The following RAB37 variants were observed in gnomAD, a reference collection of about 807,000 sequenced individuals.
RAB37 encodes the protein ras-related protein Rab-37.
RAB37 carries 29 observed loss-of-function variants against 33.1 expected under a neutral mutation model. The observed-to-expected ratio is 0.88, with a 90% CI of 0.65 to 1.20. The LOEUF (loss-of-function observed/expected upper bound fraction) is 1.20. RAB37 is among the 50% of genes most tolerant of loss of function. The pLI is 0.00. For missense variants in RAB37, 299 were observed against 301.1 expected (o/e 0.99, Z 0.05); for synonymous variants, 128 against 119.5 (o/e 1.07, Z -0.47).
chr17:74,711,751 G>T lies in RAB37; in HGVS notation c.73-17505G>T, dbSNP rs77343537. The stretch of plus-strand genomic sequence containing the variant: ...GACAGGCATCTGGGACCCTCTTCAG[G>T]GGGGTTGTTTCAGCCCACCTGACTT... On this transcript the variant is annotated intron_variant, in intron 1 of 7. Coordinates refer to the RAB37 transcript ENST00000340415. 2.2e-4 allele frequency among the ~76,000 whole-genome samples: 33 copies of T among 152,164 alleles called. No individual in the cohort carries two copies. In the East Asian group the frequency reaches 5.4e-3, roughly 25 times the overall value.
In RAB37 at chr17:74,730,257, C is replaced by G. The variant is rs1164585149; in HGVS notation, c.183+891C>G. Among the ~76,000 whole-genome samples, 1 of 152,150 alleles carries G rather than the reference C, an allele frequency of 6.6e-6. No homozygotes were observed. Among genetic ancestry groups the G allele is most frequent in the African/African-American group, 2.4e-5 (1 of 41,410 alleles). On this transcript the variant is annotated intron_variant, in intron 2 of 7. Coordinates refer to the RAB37 transcript ENST00000340415. This position sits in a 1 kb window ranked among gnomAD's most constrained non-coding sequence, Gnocchi z 4.4. The stretch of plus-strand genomic sequence containing the variant: ...AGAGCAAACATCTCTTCTTGGACAA[C>G]GCGGATGTTTGGGAACCTCTGAGAC...
intron 5 of RAB37, 81 bp downstream of exon 5, chr17:74,743,421 TG>T: frequency 7.0e-7 from 1 of 1,436,992 alleles, no homozygotes; most frequent in Non-Finnish European, 9.8e-7. Flanking sequence ...TCCTGCCCTG[TG>T]GAAAGCGGGT....
chr17:74,679,109 TC>T (rs1361291227), intron 1 of RAB37, among the ~76,000 whole-genome samples: 3 of 144,262 alleles, frequency 2.1e-5, no homozygotes, highest in Non-Finnish European at 4.5e-5. Context: ...AGACTCTGTC[TC>T]AAAAAAAAAA....
chr17:74,690,916 T>C (rs1251541119), intron 1 of RAB37, among the ~76,000 whole-genome samples: 1 of 152,190 alleles, frequency 6.6e-6, no homozygotes, highest in Non-Finnish European at 1.5e-5. Flanking sequence ...TTCTCTCTTG[T>C]AGACACTTCC....
intron 1 of RAB37, among the ~76,000 whole-genome samples, chr17:74,688,410 A>G (rs545412727): frequency 3.3e-5 from 5 of 151,982 alleles, no homozygotes; most frequent in Non-Finnish European, 5.9e-5. Context: ...AAAATTAGCC[A>G]GGCATGGTGG....
intron 1 of RAB37, among the ~76,000 whole-genome samples, chr17:74,707,120 CA>C (rs2033584930): frequency 6.6e-6 from 1 of 152,074 alleles, no homozygotes; most frequent in African/African-American, 2.4e-5. Context: ...GCAACAAAAG[CA>C]AAACTAGACA....
chr17:74,737,214 G>GGGGGGGGGGGGGGGGCC, upstream of RAB37: 2 of 1,245,230 alleles, frequency 1.6e-6, no homozygotes, highest in Non-Finnish European at 2.3e-6. Flanking sequence ...CGGGGGTGGG[G>GGGGGGGGGGGGGGGGCC]CCGTTCCTGC....
At chr17:74,736,282 T>C (rs2034473487), upstream of RAB37, among the ~76,000 whole-genome samples, 1 of 151,652 alleles carries the variant, frequency 6.6e-6, no homozygotes, top group South Asian at 2.1e-4. Context: ...ACCGTCCCGC[T>C]GTAATGCACC....
intron 1 of RAB37, among the ~76,000 whole-genome samples, chr17:74,688,266 T>C (rs533314889): frequency 5.9e-5 from 9 of 152,284 alleles, no homozygotes; most frequent in South Asian, 4.1e-4. Flanking sequence ...AACAAAGGAA[T>C]TGGCCGGGCG....
chr17:74,674,399 A>G (rs564328745), intron 1 of RAB37, among the ~76,000 whole-genome samples: 1 of 151,076 alleles, frequency 6.6e-6, no homozygotes, highest in Non-Finnish European at 1.5e-5. Flanking sequence ...TGATTTTTTA[A>G]ATAGACTTGT....
chr17:74,735,268 G>A (rs776108406), upstream of RAB37, among the ~76,000 whole-genome samples: 1 of 152,096 alleles, frequency 6.6e-6, no homozygotes, highest in African/African-American at 2.4e-5. Flanking sequence ...GGCCAGGTGC[G>A]GTGGCTCACG....
rs558831769 is a variant in RAB37, at chr17:74,705,380, A to G, written c.73-23876A>G. 72 of 636,850 alleles carry G rather than the reference A, an allele frequency of 1.1e-4. No homozygotes were observed. The East Asian group carries it at 2.0e-3, about 17-fold the overall frequency. 39.4% of individuals were successfully genotyped at this position (636,850 alleles called of 1,614,324 possible). On this transcript the variant is annotated intron_variant, in intron 1 of 7. Coordinates refer to the RAB37 transcript ENST00000340415. ...CAACGGCAACTGGTCTCCATGTGCT[A>G]TAGGATCCATACAACACAGATCCCA...
intron 2 of RAB37, among the ~76,000 whole-genome samples, chr17:74,741,889 C>G (rs766922851): frequency 1.6e-3 from 248 of 152,316 alleles, no homozygotes; most frequent in Non-Finnish European, 2.9e-3. Flanking sequence ...TCCAGGGGCT[C>G]GGTCACAGTC....
At chr17:74,698,427 C>T (rs2032720412) in intron 1 of RAB37, 2 of 1,614,056 alleles carry the variant, frequency 1.2e-6, no homozygotes, top group Non-Finnish European at 1.7e-6. Context: ...CCAAAAGCAG[C>T]AGCAATATGG....
chr17:74,737,464 T>TTC (rs1311072175), intron 1 of RAB37, 99 bp downstream of exon 1: 1 of 1,318,386 alleles, frequency 7.6e-7, no homozygotes, highest in Non-Finnish European at 1.0e-6. Context: ...GGCAGCTGCG[T>TTC]CTCCCAGAGG....
chr17:74,731,776 G>A (rs2034386649), intron 2 of RAB37, among the ~76,000 whole-genome samples: 1 of 152,168 alleles, frequency 6.6e-6, no homozygotes, highest in Admixed American at 6.5e-5. Context: ...GGGAGGCCGA[G>A]GCGGGCGGAT....
In RAB37 at chr17:74,676,993, T is replaced by C. The variant is rs2031848709; in HGVS notation, c.72+5335T>C. Among the ~76,000 whole-genome samples, 1 of 151,778 alleles carries C rather than the reference T, an allele frequency of 6.6e-6. No individual in the cohort carries two copies. Among genetic ancestry groups the C allele is most frequent in the African/African-American group, 2.4e-5 (1 of 41,288 alleles). On this transcript the variant is annotated intron_variant, in intron 1 of 7. Transcript: ENST00000340415. This position sits in a 1 kb window ranked among gnomAD's most constrained non-coding sequence, Gnocchi z 4.1. ...TGGTGAAACTCGTCTCTACTAAAAA[T>C]ACAAAAATTAGTCAGCCGTGGTGGT...
intron 1 of RAB37, among the ~76,000 whole-genome samples, chr17:74,684,131 C>T (rs1346734612): frequency 6.6e-6 from 1 of 151,692 alleles, no homozygotes; most frequent in Non-Finnish European, 1.5e-5. Flanking sequence ...TCTCTGTCAC[C>T]CTGGACTGCA....
At chr17:74,733,305 T>C (rs2034415173), upstream of RAB37, among the ~76,000 whole-genome samples, 1 of 151,994 alleles carries the variant, frequency 6.6e-6, no homozygotes, top group African/African-American at 2.4e-5. Context: ...GTGTGGGACA[T>C]GTTATGAAGT....
Sources: allele counts gnomAD v4.1 joint callset (sites outside exome capture counted in the v4.1 genomes callset), GRCh38; gene constraint gnomAD v4.1.1; non-coding constraint Gnocchi (gnomAD v3.1); transcripts MANE v1.5; gene names NCBI Gene and HGNC (gene_info 2026-07-23, HGNC 2026-07-21).